SLC25A26: variants seen among roughly 807,000 people sequenced by gnomAD.
The protein encoded by SLC25A26 is solute carrier family 25 member 26.
Under a neutral mutation model 37.8 loss-of-function variants are expected in SLC25A26, and 36 were observed. That is an observed-to-expected ratio of 0.95 (90% CI 0.73 to 1.26). The LOEUF (loss-of-function observed/expected upper bound fraction) is 1.26, where lower values mean the gene tolerates loss of function less well. Ranked by LOEUF, SLC25A26 falls within the 50% of genes most tolerant of loss-of-function variation. The pLI, the probability that SLC25A26 is intolerant of heterozygous loss-of-function variation, is 0.00. For missense variants in SLC25A26, 390 were observed against 331.1 expected, an observed-to-expected ratio of 1.18 and a Z score of -1.38; for synonymous variants, 129 against 122.5, an observed-to-expected ratio of 1.05 and a Z score of -0.35.
At chr3:66,235,132 A>G (rs2072214049) in intron 1 of SLC25A26, among the ~76,000 whole-genome samples, 2 of 152,322 alleles carry the variant, frequency 1.3e-5, no homozygotes, top group African/African-American at 4.8e-5. Flanking sequence ...TTTTGAAACA[A>G]CTAATGATCC....
At chr3:66,319,442 G>C (rs565984560) in intron 5 of SLC25A26, among the ~76,000 whole-genome samples, 1 of 151,978 alleles carries the variant, frequency 6.6e-6, no homozygotes, top group Non-Finnish European at 1.5e-5. Flanking sequence ...GCTTTTATTA[G>C]GAGGTTTATT....
intron 7 of SLC25A26, among the ~76,000 whole-genome samples, chr3:66,364,995 G>T (rs1181696153): frequency 6.6e-6 from 1 of 152,164 alleles, no homozygotes; most frequent in African/African-American, 2.4e-5. Context: ...TGGTACAACT[G>T]TTGATCCAGA....
At chr3:66,280,186 C>G (rs556337074) in intron 5 of SLC25A26, among the ~76,000 whole-genome samples, 2 of 152,286 alleles carry the variant, frequency 1.3e-5, no homozygotes, top group South Asian at 2.1e-4. Context: ...CACCAAAGGT[C>G]TGGTATATAG....
chr3:66,174,298 T>C (rs2070542339), intron 1 of SLC25A26, among the ~76,000 whole-genome samples: 1 of 152,194 alleles, frequency 6.6e-6, no homozygotes, highest in Non-Finnish European at 1.5e-5. Flanking sequence ...TTACAGAGCT[T>C]AGAACACCCA....
chr3:66,230,828 A>AAAC (rs1559594673), intron 1 of SLC25A26, among the ~76,000 whole-genome samples: 1 of 148,546 alleles, frequency 6.7e-6, no homozygotes. Context: ...AACAAAAAAA[A>AAAC]ACCAGAATTT....
At chr3:66,234,743 C>G (rs954324960) in intron 1 of SLC25A26, among the ~76,000 whole-genome samples, 2 of 152,154 alleles carry the variant, frequency 1.3e-5, no homozygotes, top group African/African-American at 4.8e-5. Flanking sequence ...TGTAGCATTG[C>G]ACATTTTGTA....
chr3:66,352,449 T>G (rs1309190046), intron 6 of SLC25A26, among the ~76,000 whole-genome samples: 4 of 151,542 alleles, frequency 2.6e-5, no homozygotes, highest in Middle Eastern at 3.4e-3. Flanking sequence ...TTTGTTTTTT[T>G]TTTTGAGATG....
intron 1 of SLC25A26, among the ~76,000 whole-genome samples, chr3:66,231,670 A>C (rs2072037998): frequency 6.6e-6 from 1 of 152,110 alleles, no homozygotes; most frequent in Non-Finnish European, 1.5e-5. Context: ...ATTTTAAAAG[A>C]TGGGATTATA....
chr3:66,282,628 A>G (rs1211492388), intron 5 of SLC25A26, among the ~76,000 whole-genome samples: 2 of 152,234 alleles, frequency 1.3e-5, no homozygotes, highest in African/African-American at 4.8e-5. Flanking sequence ...TTGGGCAGAA[A>G]AAAAAATTAA....
At chr3:66,184,981 A>G (rs1315793764) in intron 1 of SLC25A26, among the ~76,000 whole-genome samples, 1 of 152,160 alleles carries the variant, frequency 6.6e-6, no homozygotes, top group East Asian at 1.9e-4. Context: ...TGTAATATAA[A>G]ATTTACCATC....
intron 5 of SLC25A26, among the ~76,000 whole-genome samples, chr3:66,283,083 AT>A (rs2107460104): frequency 6.6e-6 from 1 of 152,290 alleles, no homozygotes; most frequent in South Asian, 2.1e-4. Flanking sequence ...GAATACAAAA[AT>A]TATGGTTTAT....
chr3:66,372,940 C>CT (rs1700429333), intron 9 of SLC25A26, among the ~76,000 whole-genome samples: 1 of 152,196 alleles, frequency 6.6e-6, no homozygotes, highest in Non-Finnish European at 1.5e-5. Flanking sequence ...TGGAATGGTG[C>CT]TGCCCTCTCG....
intron 1 of SLC25A26, among the ~76,000 whole-genome samples, chr3:66,224,569 G>A (rs1403702964): frequency 1.3e-5 from 2 of 152,096 alleles, no homozygotes; most frequent in Non-Finnish European, 2.9e-5. Flanking sequence ...ATGAGATTTG[G>A]GTGGGGACAC....
chr3:66,187,337 A>G (rs1234551166), intron 1 of SLC25A26, among the ~76,000 whole-genome samples: 2 of 151,964 alleles, frequency 1.3e-5, no homozygotes, highest in Non-Finnish European at 2.9e-5. Flanking sequence ...ATACTCACCC[A>G]GGCCTCATCC....
intron 2 of SLC25A26, among the ~76,000 whole-genome samples, chr3:66,240,985 G>C (rs548364078): frequency 5.8e-4 from 88 of 151,878 alleles, no homozygotes; most frequent in African/African-American, 2.1e-3. Flanking sequence ...CTGACCTCGT[G>C]ATCCACCTGC....
At chr3:66,321,678 G>C (rs1317634363) in intron 5 of SLC25A26, among the ~76,000 whole-genome samples, 1 of 151,886 alleles carries the variant, frequency 6.6e-6, no homozygotes, top group Non-Finnish European at 1.5e-5. Context: ...AATGGCAAAA[G>C]TTGAGTTAAC....
At chr3:66,209,898 T>TTATTTATATA (rs2071256959) in intron 1 of SLC25A26, among the ~76,000 whole-genome samples, 3 of 38,610 alleles carry the variant, frequency 7.8e-5, no homozygotes, top group Non-Finnish European at 1.0e-4. Flanking sequence ...CTCTCTCTAT[T>TTATTTATATA]TATATATATA....
chr3:66,183,306 C>T (rs530425100), intron 1 of SLC25A26, among the ~76,000 whole-genome samples: 2 of 152,232 alleles, frequency 1.3e-5, no homozygotes, highest in African/African-American at 4.8e-5. Context: ...ACTACCATGA[C>T]TCTCAGCTAT....
chr3:66,198,177 A>G (rs2071068809), intron 1 of SLC25A26, among the ~76,000 whole-genome samples: 2 of 152,248 alleles, frequency 1.3e-5, no homozygotes, highest in African/African-American at 4.8e-5. Context: ...AGTCAGCTTC[A>G]GGATCACTGT....
Sources: allele counts gnomAD v4.1 joint callset (sites outside exome capture counted in the v4.1 genomes callset), GRCh38; gene constraint gnomAD v4.1.1; transcripts MANE v1.5; gene names NCBI Gene and HGNC (gene_info 2026-07-23, HGNC 2026-07-21).